Variants in IQCH observed in about 807,000 individuals in gnomAD.
IQCH encodes the protein IQ domain-containing protein H.
A neutral mutation model predicts 117.0 loss-of-function variants in IQCH; 98 were observed. The observed-to-expected ratio is 0.84, with a 90% CI of 0.71 to 0.99. IQCH has a LOEUF of 0.99. IQCH is among the 50% of genes least tolerant of loss of function. The pLI is 0.00. For synonymous variants in IQCH, 412 were observed against 448.2 expected (o/e 0.92, Z 1.02); for missense variants, 1,102 against 1,243.8 (o/e 0.89, Z 1.72).
At chr15:67,288,377 A>T (rs534343498) in intron 4 of IQCH, among the ~76,000 whole-genome samples, 1 of 152,084 alleles carries the variant, frequency 6.6e-6, no homozygotes, top group African/African-American at 2.4e-5. Context: ...ATTTGGGTCT[A>T]TCTTTCTCTT....
In IQCH at chr15:67,454,362, A is replaced by G. The variant is rs886866457; in HGVS notation, c.2506-10765A>G. On this transcript the variant is annotated intron_variant, in intron 16 of 20. Coordinates refer to ENST00000335894, the MANE Select transcript of IQCH (RefSeq NM_001031715.3). The surrounding 1 kb of genome is among the most constrained non-coding windows in gnomAD (Gnocchi z 5.2). The stretch of plus-strand genomic sequence containing the variant: ...AGACCGGAGCTGTTCGTATTCGGCC[A>G]TCTTGGCTCTGGTCTTGATCTCTTG... 3.4e-4 allele frequency among the ~76,000 whole-genome samples: 52 copies of G among 152,230 alleles called. No homozygotes were observed. The highest frequency in any genetic ancestry group is 1.2e-3 in the African/African-American group (49 of 41,466).
At chr15:67,374,025 T>C (rs1970654448) in intron 10 of IQCH, 1 of 152,946 alleles carries the variant, frequency 6.5e-6, no homozygotes, top group Admixed American at 6.5e-5. Flanking sequence ...TTAGCACTAA[T>C]GTAATTATTT....
chr15:67,436,064 T>C lies in IQCH; in HGVS notation c.2505+14487T>C, dbSNP rs1472822608. Among the ~76,000 whole-genome samples the C allele has an allele frequency of 6.6e-6, 1 of 152,146 alleles. No individual in the cohort carries two copies. The highest frequency in any genetic ancestry group is 1.9e-4 in the East Asian group (1 of 5,200). On this transcript the variant is annotated intron_variant, in intron 16 of 20. Transcript: ENST00000335894. The surrounding 1 kb of genome is among the most constrained non-coding windows in gnomAD (Gnocchi z 5.1). ...CTTTACCTATTTCTTAAGACAATAC[T>C]CAATCACCCCCTCCCAGCATATGGC...
Position 67,416,539 on chromosome 15 carries a change from AAAAC to A in IQCH, c.2098-388_2098-385del. 6.6e-6 allele frequency among the ~76,000 whole-genome samples: 1 copy of A among 151,896 alleles called. No individual in the cohort carries two copies. The highest frequency in any genetic ancestry group is 1.5e-5 in the Non-Finnish European group (1 of 67,992). On this transcript the variant is annotated intron_variant, in intron 14 of 20. Transcript: ENST00000335894. The surrounding 1 kb of genome is among the most constrained non-coding windows in gnomAD (Gnocchi z 5.1). ...TCTCAAAAAAAAAAAGAAAAAACAA[AAAAC>A]AAAAACAAAAAAAACAGTTAACCCC...
In IQCH at chr15:67,254,855, G is replaced by A; in HGVS notation, c.-42G>A. The A allele has an allele frequency of 6.2e-7, 1 of 1,601,824 alleles. No homozygotes were observed. Among genetic ancestry groups the A allele is most frequent in the Non-Finnish European group, 8.5e-7 (1 of 1,172,456 alleles). ...CTCCGGCTGAAGGTTTCCGTGCTTG[G>A]AAACCGCGCCTCCGCGGAGGTAGCC... is the stretch of plus-strand genomic sequence containing the variant. On this transcript the variant is annotated 5_prime_UTR_variant, in exon 1 of 21. Coordinates refer to ENST00000335894, the MANE Select transcript of IQCH (RefSeq NM_001031715.3).
chr15:67,372,767 C>G, intron 9 of IQCH, 105 bp downstream of exon 9: 1 of 937,232 alleles, frequency 1.1e-6, no homozygotes, highest in Non-Finnish European at 1.6e-6. Flanking sequence ...TTTCCAACTA[C>G]TCTCCTTGCC....
intron 8 of IQCH, among the ~76,000 whole-genome samples, chr15:67,363,117 C>G (rs561866255): frequency 1.3e-5 from 2 of 151,354 alleles, no homozygotes; most frequent in South Asian, 4.2e-4. Context: ...CATTCTCTCT[C>G]ATAAAACTTC....
At chr15:67,437,962 G>A (rs2082177972) in intron 16 of IQCH, among the ~76,000 whole-genome samples, 1 of 152,148 alleles carries the variant, frequency 6.6e-6, no homozygotes, top group African/African-American at 2.4e-5. Context: ...CTAAAAGCTT[G>A]GAAAACATAT....
At chr15:67,338,720 C>A (rs1189172755) in intron 5 of IQCH, among the ~76,000 whole-genome samples, 2 of 151,938 alleles carry the variant, frequency 1.3e-5, no homozygotes, top group Non-Finnish European at 2.9e-5. Context: ...GTTAAGAATA[C>A]AAGTTTTACA....
chr15:67,392,977 C>T (rs1165478742), intron 12 of IQCH, among the ~76,000 whole-genome samples: 2 of 151,976 alleles, frequency 1.3e-5, no homozygotes, highest in African/African-American at 4.8e-5. Flanking sequence ...CAAAATTTAC[C>T]ATTTTAACCA....
intron 4 of IQCH, among the ~76,000 whole-genome samples, chr15:67,315,982 C>A (rs1477299977): frequency 1.3e-5 from 2 of 152,156 alleles, no homozygotes; most frequent in African/African-American, 4.8e-5. Flanking sequence ...TCCTTATCTC[C>A]TCATCTTCCC....
At chr15:67,312,164 G>T (rs866341351) in intron 4 of IQCH, among the ~76,000 whole-genome samples, 3 of 152,260 alleles carry the variant, frequency 2.0e-5, no homozygotes, top group Non-Finnish European at 2.9e-5. Flanking sequence ...ACAGAGACCT[G>T]TGTCACATCT....
chr15:67,300,630 AT>A (rs1302837903), intron 4 of IQCH, among the ~76,000 whole-genome samples: 1 of 152,202 alleles, frequency 6.6e-6, no homozygotes, highest in Non-Finnish European at 1.5e-5. Flanking sequence ...ACTGTCGATA[AT>A]ACTGTAACTT....
chr15:67,450,987 C>G (rs1375541747), intron 16 of IQCH, among the ~76,000 whole-genome samples: 1 of 152,178 alleles, frequency 6.6e-6, no homozygotes, highest in African/African-American at 2.4e-5. Flanking sequence ...TCCATTTCTT[C>G]TAGATTTTCT....
rs1173717489 is a variant in IQCH at position 67,496,687 on chromosome 15, A to G, written c.2970+2321A>G. ...TAGCAAGACCTCATCTCTACTAAGAAGAAGAAGAAGGAGAAGGAGAAAAGA... is the reference window on the plus strand; with the variant it reads ...TAGCAAGACCTCATCTCTACTAAGAGGAAGAAGAAGGAGAAGGAGAAAAGA... On this transcript the variant is annotated intron_variant, in intron 20 of 20. Transcript: ENST00000335894. This position sits in a 1 kb window ranked among gnomAD's most constrained non-coding sequence, Gnocchi z 4.4. Among the ~76,000 whole-genome samples the G allele has an allele frequency of 6.6e-6, 1 of 151,648 alleles. No homozygotes were observed. The highest frequency in any genetic ancestry group is 1.5e-5 in the Non-Finnish European group (1 of 67,652).
intron 15 of IQCH, 77 bp from the exon 16 acceptor site, chr15:67,421,214 A>G: frequency 8.0e-7 from 1 of 1,243,094 alleles, no homozygotes; most frequent in Non-Finnish European, 1.1e-6. Context: ...CTTTCAAGAC[A>G]TGGCAGATGC....
In IQCH at chr15:67,382,262, C is replaced by G. The variant is rs148833475; in HGVS notation, c.1373-2674C>G. 1.4e-3 allele frequency among the ~76,000 whole-genome samples: 206 copies of G among 152,242 alleles called. 1 individual carries two copies. The highest frequency in any genetic ancestry group is 3.9e-3 in the Admixed American group (59 of 15,292). ...TAGAAAAGGGTGGTCAGGCATACCCCATGATGATGAGGACCTTATTGCCTC... is the reference window on the plus strand; with the variant it reads ...TAGAAAAGGGTGGTCAGGCATACCCGATGATGATGAGGACCTTATTGCCTC... On this transcript the variant is annotated intron_variant, in intron 10 of 20. Coordinates refer to ENST00000335894, the MANE Select transcript of IQCH (RefSeq NM_001031715.3).
rs570263893 is a variant in IQCH at position 67,395,328 on chromosome 15, G to A, written c.1670G>A (p.Ser557Asn). 1.2e-6 allele frequency: 2 copies of A among 1,613,952 alleles called. No individual in the cohort carries two copies. Among genetic ancestry groups the A allele is most frequent in the South Asian group, 2.2e-5 (2 of 91,076 alleles). Residue 557 changes from serine (S) to asparagine (N), a missense_variant, in exon 13 of 21, where the codon AGT (serine) becomes AAT (asparagine). Transcript: ENST00000335894. This position sits in a 1 kb window ranked among gnomAD's most constrained non-coding sequence, Gnocchi z 4.0. ...TGCCTGGCCACTCACCTGATGTACA[G>A]TCCCAAGGCAATCAAAAGAATAAAA... Reference protein sequence around the residue: ...HMCLATHLMYSPKAIKRIKNL... With the variant: ...HMCLATHLMYNPKAIKRIKNL...
Position 67,490,295 on chromosome 15 carries a change from T to C in IQCH, c.2861+231T>C, listed in dbSNP as rs2083612397. 6.6e-6 allele frequency among the ~76,000 whole-genome samples: 1 copy of C among 152,134 alleles called. No homozygotes were observed. Among genetic ancestry groups the C allele is most frequent in the African/African-American group, 2.4e-5 (1 of 41,430 alleles). ...ATCTCAGCTCACTGCAACCTCCACCTCCCGGGTTCAAGCGATTCTCCTGCC... is the reference window on the plus strand; with the variant it reads ...ATCTCAGCTCACTGCAACCTCCACCCCCCGGGTTCAAGCGATTCTCCTGCC... On this transcript the variant is annotated intron_variant, in intron 19 of 20. Transcript: ENST00000335894. The surrounding 1 kb of genome is among the most constrained non-coding windows in gnomAD (Gnocchi z 4.9).
Sources: allele counts gnomAD v4.1 joint callset (sites outside exome capture counted in the v4.1 genomes callset), GRCh38; gene constraint gnomAD v4.1.1; non-coding constraint Gnocchi (gnomAD v3.1); transcripts MANE v1.5; gene names NCBI Gene and HGNC (gene_info 2026-07-23, HGNC 2026-07-21).